Variants in THEMIS2 observed in about 807,000 individuals in gnomAD.
THEMIS2 encodes the protein thymocyte selection associated family member 2.
In THEMIS2, 29 loss-of-function variants were observed where a neutral mutation model predicts 46.8. The observed-to-expected ratio is 0.62, with a 90% CI of 0.46 to 0.84. The LOEUF (loss-of-function observed/expected upper bound fraction) is 0.84. Ranked by LOEUF, THEMIS2 falls within the 40% of genes least tolerant of loss-of-function variation. THEMIS2 has a pLI of 0.00. For synonymous variants in THEMIS2, 335 were observed against 349.1 expected (o/e 0.96, Z 0.45); for missense variants, 698 against 834.7 (o/e 0.84, Z 2.02).
chr1:27,882,887 G>A lies in THEMIS2; in HGVS notation c.1563G>A (p.Gly521=). 6.2e-7 allele frequency: 1 copy of A among 1,613,914 alleles called. No individual in the cohort carries two copies. Among genetic ancestry groups the A allele is most frequent in the Non-Finnish European group, 8.5e-7 (1 of 1,179,942 alleles). Residue 521 remains glycine (G), a synonymous_variant, in exon 4 of 6, where the codon GGG becomes GGA. Transcript: ENST00000373921. This position sits in a 1 kb window ranked among gnomAD's most constrained non-coding sequence, Gnocchi z 7.6. ...AGGGGCAGCCAGACTTGCCAGAGGG[G>A]TCTCTCCCCATAGCCACAGTGGAGG... The part of the protein sequence containing the change: ...KAKGQPDLPE[G]SLPIATVEEL...
At chr1:27,877,557 G>A (rs1389248029) in intron 2 of THEMIS2, among the ~76,000 whole-genome samples, 2 of 152,184 alleles carry the variant, frequency 1.3e-5, no homozygotes, top group East Asian at 3.9e-4. Context: ...TCGATCTCCT[G>A]ACCTCGTGAT....
In THEMIS2 at chr1:27,872,648, CG is replaced by C; in HGVS notation, c.82del (p.Val28SerfsTer22). The C allele has an allele frequency of 7.0e-7, 1 of 1,436,890 alleles. No homozygotes were observed. 89.0% of individuals were successfully genotyped at this position (1,436,890 alleles called of 1,614,324 possible). A position where few individuals can be genotyped will look rare whatever the true frequency, so the allele number is the denominator to read the frequency against. ...ASLPRVLRVC[S>X]GVYFEGSIYE... Reference sequence around the variant, plus strand: ...CTCCCGCGCGTGCTGCGGGTCTGCTCGGGGGTCTACTTCGAGGGTGAGCGGG... The same window carrying C: ...CTCCCGCGCGTGCTGCGGGTCTGCTCGGGGTCTACTTCGAGGGTGAGCGGG... On this transcript the variant is annotated frameshift_variant, in exon 1 of 6. Coordinates refer to ENST00000373921, the MANE Select transcript of THEMIS2 (RefSeq NM_001105556.3). LOFTEE classifies it high-confidence loss of function. The surrounding 1 kb of genome is among the most constrained non-coding windows in gnomAD (Gnocchi z 4.9).
rs754241211 is a variant in THEMIS2 at position 27,882,317 on chromosome 1, C to T, written c.993C>T (p.Phe331=). The T allele has an allele frequency of 6.3e-7, 1 of 1,593,946 alleles. No homozygotes were observed. Among genetic ancestry groups the T allele is most frequent in the South Asian group, 1.1e-5 (1 of 88,546 alleles). ...QGKLRRRPRE[F]PTAYDLLGAF... ...AGCTGCGGCGGCGGCCAAGGGAGTT[C>T]CCCACGGCCTATGACCTCCTAGGTG... The change falls in exon 4 of 6, where the codon TTC becomes TTT. Residue 331 remains phenylalanine (F), a synonymous_variant. Coordinates refer to ENST00000373921, the MANE Select transcript of THEMIS2 (RefSeq NM_001105556.3). The surrounding 1 kb of genome is among the most constrained non-coding windows in gnomAD (Gnocchi z 7.6).
At chr1:27,876,870 G>C in intron 2 of THEMIS2, 142 bp downstream of exon 2, 4 of 1,052,412 alleles carry the variant, frequency 3.8e-6, no homozygotes, top group Non-Finnish European at 5.4e-6. Context: ...CCACAACCCA[G>C]CCTCAAGGGT....
intron 4 of THEMIS2, 103 bp from the exon 5 acceptor site, chr1:27,885,192 G>C: frequency 3.2e-6 from 4 of 1,249,324 alleles, no homozygotes; most frequent in Non-Finnish European, 4.5e-6. Flanking sequence ...AGGAAGTAGA[G>C]AGAGAAGCAG....
intron 5 of THEMIS2, 102 bp downstream of exon 5, chr1:27,885,553 T>C: frequency 3.5e-6 from 5 of 1,418,666 alleles, no homozygotes; most frequent in Non-Finnish European, 4.7e-6. Flanking sequence ...CAGACCCTTC[T>C]ATGGTCCCAG....
Position 27,873,542 on chromosome 1 carries a change from C to T in THEMIS2, c.94+877C>T, listed in dbSNP as rs139813982. 6.0e-3 allele frequency among the ~76,000 whole-genome samples: 906 copies of T among 152,202 alleles called. 16 individuals carry two copies. Among genetic ancestry groups the T allele is most frequent in the African/African-American group, 0.021 (859 of 41,510 alleles). On this transcript the variant is annotated intron_variant, in intron 1 of 5. Transcript: ENST00000373921. ...CCCTGGCTGCAGAAAAACGCTCTGTCGCAGCAGCTTCCAGCAGAGTGTTTG... is the reference window on the plus strand; with the variant it reads ...CCCTGGCTGCAGAAAAACGCTCTGTTGCAGCAGCTTCCAGCAGAGTGTTTG...
rs573092977 is a variant in THEMIS2, at chr1:27,879,577, C to T, written c.236-67C>T. On this transcript the variant is annotated intron_variant, in intron 2 of 5. Transcript: ENST00000373921. ...CTGCAGGGCCAGACTGGGGTCTGGA[C>T]CTGACAAAGGCCTGCCCCACCCTGA... 1.1e-5 allele frequency: 16 copies of T among 1,423,974 alleles called. No homozygotes were observed. In the Admixed American group the frequency reaches 2.7e-4, roughly 24 times the overall value. 88.2% of individuals were successfully genotyped at this position (1,423,974 alleles called of 1,614,324 possible).
At chr1:27,873,580 G>A (rs1229215000) in intron 1 of THEMIS2, among the ~76,000 whole-genome samples, 1 of 152,146 alleles carries the variant, frequency 6.6e-6, no homozygotes, top group Admixed American at 6.5e-5. Flanking sequence ...GTCCCAAGTG[G>A]GGTCCTAGAC....
chr1:27,880,287 C>T (rs1309197225), intron 3 of THEMIS2, among the ~76,000 whole-genome samples: 2 of 152,172 alleles, frequency 1.3e-5, no homozygotes, highest in Admixed American at 6.5e-5. Context: ...CAGAGTCAAG[C>T]GATTCTCCTG....
At chr1:27,877,492 AT>A (rs539113666) in intron 2 of THEMIS2, among the ~76,000 whole-genome samples, 1 of 151,736 alleles carries the variant, frequency 6.6e-6, no homozygotes, top group African/African-American at 2.4e-5. Flanking sequence ...CACCCAGCTA[AT>A]TTTTTTTGTA....
At chr1:27,879,619 G>T in intron 2 of THEMIS2, 25 bp from the exon 3 acceptor site, 1 of 1,553,278 alleles carries the variant, frequency 6.4e-7, no homozygotes, top group South Asian at 1.2e-5. Context: ...ACAGTGACCT[G>T]CCTGCTCTCT....
chr1:27,872,624 T>C lies in THEMIS2; in HGVS notation c.53T>C (p.Leu18Pro). Residue 18 changes from leucine to proline, a missense_variant, in exon 1 of 6, where the codon CTC (leucine) becomes CCC (proline). Physicochemically the swap from Leu to Pro is moderately conservative, Grantham distance 98. Transcript: ENST00000373921. This position sits in a 1 kb window ranked among gnomAD's most constrained non-coding sequence, Gnocchi z 4.9. ...DFVRALDPASLPRVLRVCSGV... is the reference protein window; with the variant it reads ...DFVRALDPASPPRVLRVCSGV... ...GTGCGCGCCTTGGACCCCGCCTCCC[T>C]CCCGCGCGTGCTGCGGGTCTGCTCG... The C allele has an allele frequency of 1.4e-6, 2 of 1,472,728 alleles. No individual in the cohort carries two copies. The highest frequency in any genetic ancestry group is 1.8e-6 in the Non-Finnish European group (2 of 1,112,846). 91.2% of individuals were successfully genotyped at this position (1,472,728 alleles called of 1,614,324 possible).
rs1362548442 is a variant in THEMIS2 at position 27,872,621 on chromosome 1, C to G, written c.50C>G (p.Ser17Cys). The G allele has an allele frequency of 5.4e-6, 8 of 1,474,254 alleles. No homozygotes were observed. Among genetic ancestry groups the G allele is most frequent in the Non-Finnish European group, 7.2e-6 (8 of 1,113,692 alleles). 91.3% of individuals were successfully genotyped at this position (1,474,254 alleles called of 1,614,324 possible). A position where few individuals can be genotyped will look rare whatever the true frequency, so the allele number is the denominator to read the frequency against. ...QDFVRALDPA[S>C]LPRVLRVCSG... Reference sequence around the variant, plus strand: ...TTCGTGCGCGCCTTGGACCCCGCCTCCCTCCCGCGCGTGCTGCGGGTCTGC... The same window carrying G: ...TTCGTGCGCGCCTTGGACCCCGCCTGCCTCCCGCGCGTGCTGCGGGTCTGC... Residue 17 changes from serine to cysteine, a missense_variant, in exon 1 of 6, where the codon TCC (serine) becomes TGC (cysteine). Ser to Cys is a moderately radical substitution (Grantham distance 112). Transcript: ENST00000373921. This position sits in a 1 kb window ranked among gnomAD's most constrained non-coding sequence, Gnocchi z 4.9.
In THEMIS2 at chr1:27,886,210, C is replaced by A. The variant is rs558737765; in HGVS notation, c.*288C>A. ...GGCAGGGTTCCTCTCAATCCTGCAA[C>A]CCCAGCTGTCCCACCGGTGGATGCA... On this transcript the variant is annotated 3_prime_UTR_variant, in exon 6 of 6. Coordinates refer to ENST00000373921, the MANE Select transcript of THEMIS2 (RefSeq NM_001105556.3). 107 of 435,516 alleles carry A rather than the reference C, an allele frequency of 2.5e-4. No individual in the cohort carries two copies. Among genetic ancestry groups the A allele is most frequent in the Non-Finnish European group, 4.0e-4 (96 of 238,586 alleles). 27.0% of individuals were successfully genotyped at this position (435,516 alleles called of 1,614,324 possible). A position where few individuals can be genotyped will look rare whatever the true frequency, so the allele number is the denominator to read the frequency against.
chr1:27,875,175 C>T, intron 1 of THEMIS2, among the ~76,000 whole-genome samples: 1 of 152,074 alleles, frequency 6.6e-6, no homozygotes, highest in Admixed American at 6.6e-5. Context: ...GACGGGGTTT[C>T]ACCATGTTGG....
At chr1:27,881,821 A>T in intron 3 of THEMIS2, 150 bp from the exon 4 acceptor site, 1 of 618,906 alleles carries the variant, frequency 1.6e-6, no homozygotes, top group Non-Finnish European at 2.7e-6. Flanking sequence ...AGGGCACTCC[A>T]TCTCGAGTGA....
rs749095924 is a variant in THEMIS2, at chr1:27,882,361, C to T, written c.1037C>T (p.Pro346Leu). 3.8e-6 allele frequency: 6 copies of T among 1,584,040 alleles called. No individual in the cohort carries two copies. The highest frequency in any genetic ancestry group is 3.4e-6 in the Non-Finnish European group (4 of 1,162,222). ...DLLGAFQPGR[P>L]LRVVATKDCE... ...CTAGGTGCTTTCCAGCCAGGCCGGCCACTCCGGGTGGTGGCCACAAAGGAC... is the reference window on the plus strand; with the variant it reads ...CTAGGTGCTTTCCAGCCAGGCCGGCTACTCCGGGTGGTGGCCACAAAGGAC... Residue 346 changes from proline (P) to leucine (L), a missense_variant, in exon 4 of 6, where the codon CCA (proline) becomes CTA (leucine). Transcript: ENST00000373921. The surrounding 1 kb of genome is among the most constrained non-coding windows in gnomAD (Gnocchi z 7.6).
At chr1:27,873,028 A>G (rs894297467) in intron 1 of THEMIS2, among the ~76,000 whole-genome samples, 8 of 152,044 alleles carry the variant, frequency 5.3e-5, no homozygotes, top group African/African-American at 1.9e-4. Flanking sequence ...TTGATTCTGA[A>G]GTGCAGGGTC....
Sources: gnomAD v4.1 joint callset for allele counts (sites outside exome capture counted in the v4.1 genomes callset) on GRCh38, gnomAD v4.1.1 for gene constraint, Gnocchi (gnomAD v3.1) non-coding constraint, MANE v1.5 for transcripts, NCBI Gene and HGNC (gene_info 2026-07-23, HGNC 2026-07-21) for gene names.